The following FGFR3 variants were observed in gnomAD, a reference collection of about 807,000 sequenced individuals.
FGFR3 encodes the protein fibroblast growth factor receptor 3, also known as FGFR-3.
In FGFR3, 25 loss-of-function variants were observed where a neutral mutation model predicts 82.9. That is an observed-to-expected ratio of 0.30 (90% CI 0.22 to 0.42). The LOEUF (loss-of-function observed/expected upper bound fraction) is 0.42, where lower values mean the gene tolerates loss of function less well. Ranked by LOEUF, FGFR3 falls within the 10% of genes least tolerant of loss-of-function variation. FGFR3 has a pLI of 1.00. For synonymous variants in FGFR3, 620 were observed against 516.0 expected (o/e 1.20, Z -2.73); for missense variants, 1,026 against 1,161.0 (o/e 0.88, Z 1.69).
rs556880169 is a variant in FGFR3, at chr4:1,793,964, C to T, written c.30C>T (p.Leu10=). ...GCGCCCCTGCCTGCGCCCTCGCGCTCTGCGTGGCCGTGGCCATCGTGGCCG... is the reference window on the plus strand; with the variant it reads ...GCGCCCCTGCCTGCGCCCTCGCGCTTTGCGTGGCCGTGGCCATCGTGGCCG... MGAPACALA[L]CVAVAIVAGA... The change falls in exon 2 of 18, where the codon CTC becomes CTT. Residue 10 remains leucine (L), a synonymous_variant. Coordinates refer to ENST00000440486, the MANE Select transcript of FGFR3 (RefSeq NM_000142.5). 1.8e-4 allele frequency: 241 copies of T among 1,371,884 alleles called. 1 individual carries two copies. In the East Asian group the frequency reaches 6.4e-3, roughly 36 times the overall value. 85.0% of individuals were successfully genotyped at this position (1,371,884 alleles called of 1,614,324 possible).
At chr4:1,803,864 C>T (rs747118673) in intron 8 of FGFR3, 28 bp downstream of exon 8, 28 of 1,607,074 alleles carry the variant, frequency 1.7e-5, no homozygotes, top group Non-Finnish European at 2.2e-5. Flanking sequence ...TGCTGCTGCT[C>T]CGCACTGTCT....
At chr4:1,804,752 C>T in intron 9 of FGFR3, 72 bp from the exon 10 acceptor site, 2 of 1,539,702 alleles carry the variant, frequency 1.3e-6, no homozygotes, top group Non-Finnish European at 1.8e-6. Flanking sequence ...TCTGGCCCAG[C>T]ACTGACCCCC....
intron 17 of FGFR3, 40 bp downstream of exon 17, chr4:1,806,974 C>G: frequency 6.4e-7 from 1 of 1,570,604 alleles, no homozygotes; most frequent in Non-Finnish European, 8.6e-7. Context: ...CGCCTATGCC[C>G]CTCCCCCTGC....
chr4:1,799,240 C>G lies in FGFR3; in HGVS notation c.110-14C>G. The G allele has an allele frequency of 6.2e-7, 1 of 1,612,108 alleles. No individual in the cohort carries two copies. Among genetic ancestry groups the G allele is most frequent in the Non-Finnish European group, 8.5e-7 (1 of 1,179,954 alleles). ...TGGGGGTGCCTGCCTCATGGTTGCC[C>G]ATCTTCCCCACAGAAGTCCCGGGCC... is the stretch of plus-strand genomic sequence containing the variant. On this transcript the variant is annotated splice_polypyrimidine_tract_variant and intron_variant, in intron 2 of 17. Coordinates refer to ENST00000440486, the MANE Select transcript of FGFR3 (RefSeq NM_000142.5).
At chr4:1,798,473 C>A (rs901867907) in intron 2 of FGFR3, among the ~76,000 whole-genome samples, 3 of 151,860 alleles carry the variant, frequency 2.0e-5, no homozygotes, top group African/African-American at 7.3e-5. Flanking sequence ...CCGTCATGAC[C>A]GCCGTGTGGA....
chr4:1,806,243 C>T lies in FGFR3; in HGVS notation c.1960-14C>T. ...GACGCCTGGCGCCAACACCGCCTTC[C>T]CACACCCTCCCAGGGCCGGCTGCCC... is the stretch of plus-strand genomic sequence containing the variant. On this transcript the variant is annotated splice_polypyrimidine_tract_variant and intron_variant, in intron 14 of 17. Transcript: ENST00000440486. 1.2e-6 allele frequency: 2 copies of T among 1,612,972 alleles called. No homozygotes were observed. Among genetic ancestry groups the T allele is most frequent in the Non-Finnish European group, 8.5e-7 (1 of 1,179,946 alleles).
At chr4:1,796,412 G>A (rs925799641) in intron 2 of FGFR3, among the ~76,000 whole-genome samples, 10 of 152,076 alleles carry the variant, frequency 6.6e-5, no homozygotes, top group Non-Finnish European at 1.2e-4. Flanking sequence ...CTCCTCTTAG[G>A]CTATTTTATA....
At position 1,799,177 on chromosome 4, in the gene FGFR3, G is replaced by A. The variant is rs746535896; in HGVS notation, c.110-77G>A. ...AGAGCCTTCCTCACTCAGGGCCGCC[G>A]AGGCTTCCACTGCTGTGTCTGTAAA... On this transcript the variant is annotated intron_variant, in intron 2 of 17. Coordinates refer to ENST00000440486, the MANE Select transcript of FGFR3 (RefSeq NM_000142.5). 3.9e-4 allele frequency: 623 copies of A among 1,603,312 alleles called. 1 individual carries two copies. The highest frequency in any genetic ancestry group is 1.1e-3 in the Middle Eastern group (5 of 4,498).
chr4:1,794,073 G>C (rs892479531), intron 2 of FGFR3, 30 bp downstream of exon 2: 12 of 1,285,532 alleles, frequency 9.3e-6, no homozygotes, highest in Non-Finnish European at 1.2e-5. Context: ...GCACGGGAGA[G>C]GCCGGCCCGT....
In FGFR3 at chr4:1,803,121, C is replaced by T. The variant is rs572780030; in HGVS notation, c.931-571C>T. 1.6e-4 allele frequency: 237 copies of T among 1,468,370 alleles called. No homozygotes were observed. The East Asian group carries it at 4.0e-3, about 25-fold the overall frequency. 91.0% of individuals were successfully genotyped at this position (1,468,370 alleles called of 1,614,324 possible). On this transcript the variant is annotated intron_variant, in intron 7 of 17. Transcript: ENST00000440486. ...AGAGCTCCAGCTCCAAGGCCCTGGC[C>T]GCGCGCCCTGCACGCCCCGCACGCC...
chr4:1,795,074 C>T (rs1002555777), intron 2 of FGFR3, among the ~76,000 whole-genome samples: 71 of 151,602 alleles, frequency 4.7e-4, no homozygotes, highest in Middle Eastern at 3.5e-3. Flanking sequence ...CGCCCCCGCG[C>T]CCCTTTCTCC....
At chr4:1,793,752 A>AG (rs1040076760) in intron 1 of FGFR3, 81 bp from the exon 2 acceptor site, 12 of 151,030 alleles carry the variant, frequency 7.9e-5, no homozygotes, top group Non-Finnish European at 1.6e-4. Context: ...TGGGGGTCGG[A>AG]GGGGTCGGGA....
intron 2 of FGFR3, among the ~76,000 whole-genome samples, chr4:1,794,610 C>G (rs1487962011): frequency 6.6e-6 from 1 of 152,170 alleles, no homozygotes; most frequent in Non-Finnish European, 1.5e-5. Flanking sequence ...GCGCCGAGCT[C>G]CAGGCAAGCG....
In FGFR3 at chr4:1,808,106, G is replaced by C. The variant is rs955540419; in HGVS notation, c.*844G>C. On this transcript the variant is annotated 3_prime_UTR_variant, in exon 18 of 18. Coordinates refer to ENST00000440486, the MANE Select transcript of FGFR3 (RefSeq NM_000142.5). ...GTTTTAAAACTGGACCTGTATATTT[G>C]TAAAGCTATTTATGGGCCCCTGGCA... The C allele has an allele frequency of 1.7e-5, 4 of 232,804 alleles. No homozygotes were observed. The highest frequency in any genetic ancestry group is 5.6e-5 in the Admixed American group (1 of 17,774). 14.4% of individuals were successfully genotyped at this position (232,804 alleles called of 1,614,324 possible).
intron 12 of FGFR3, 32 bp from the exon 13 acceptor site, chr4:1,805,718 T>A (rs2108804022): frequency 6.2e-7 from 1 of 1,611,458 alleles, no homozygotes; most frequent in Non-Finnish European, 8.5e-7. Context: ...CTCCTGGGCC[T>A]GGCAGCCCGT....
intron 2 of FGFR3, among the ~76,000 whole-genome samples, chr4:1,794,453 G>A (rs3135835): frequency 0.65 from 99,018 of 152,182 alleles, 35,421 homozygotes; most frequent in East Asian, 0.93. Flanking sequence ...GGCCAGCTTC[G>A]GCCAAGGCGA....
At chr4:1,805,328 T>A (rs1479314531) in intron 10 of FGFR3, 27 bp from the exon 11 acceptor site, 1 of 1,609,098 alleles carries the variant, frequency 6.2e-7, no homozygotes, top group Non-Finnish European at 8.5e-7. Context: ...GTTTGCACAC[T>A]CATGGTCCCT....
chr4:1,805,066 A>G lies in FGFR3; in HGVS notation c.1412+97A>G. On this transcript the variant is annotated intron_variant, in intron 10 of 17. Coordinates refer to ENST00000440486, the MANE Select transcript of FGFR3 (RefSeq NM_000142.5). ...GGCCCGGCTGGGTTTAGGGGCCGTC[A>G]GGGATGTGGCGGATGTTGGGTGTGG... The G allele has an allele frequency of 5.5e-6, 8 of 1,450,692 alleles. No individual in the cohort carries two copies. In the South Asian group the frequency reaches 8.3e-5, roughly 15 times the overall value. The allele number at this position is 1,450,692 out of a possible 1,614,324, so 89.9% of individuals were successfully genotyped here. A position where few individuals can be genotyped will look rare whatever the true frequency, so the allele number is the denominator to read the frequency against.
chr4:1,805,026 CA>C, intron 10 of FGFR3, 57 bp downstream of exon 10: 2 of 1,504,658 alleles, frequency 1.3e-6, no homozygotes, highest in South Asian at 2.6e-5. Context: ...GGGGGTGAAA[CA>C]GCCACCAGTC....
Sources: allele counts gnomAD v4.1 joint callset (sites outside exome capture counted in the v4.1 genomes callset), GRCh38; gene constraint gnomAD v4.1.1; transcripts MANE v1.5; gene names NCBI Gene and HGNC (gene_info 2026-07-23, HGNC 2026-07-21).